Variants in LRRC1 observed in about 807,000 individuals in gnomAD.
LRRC1 encodes the protein leucine-rich repeat-containing protein 1.
A neutral mutation model predicts 69.9 loss-of-function variants in LRRC1; 28 were observed. The observed-to-expected ratio is 0.40, with a 90% CI of 0.30 to 0.55. The LOEUF is 0.55. Among genes scored for constraint, LRRC1 ranks in the 20% least tolerant of loss-of-function variants. LRRC1 has a pLI of 0.47. For missense variants in LRRC1, 498 were observed against 609.0 expected (o/e 0.82, Z 1.92); for synonymous variants, 236 against 240.2 (o/e 0.98, Z 0.16).
chr6:53,861,834 G>A (rs928243343), intron 2 of LRRC1, among the ~76,000 whole-genome samples: 1 of 151,952 alleles, frequency 6.6e-6, no homozygotes, highest in Non-Finnish European at 1.5e-5. Flanking sequence ...TAGTTCGGGC[G>A]TGTGAGAGGA....
chr6:53,848,549 A>G (rs945135757), intron 2 of LRRC1, among the ~76,000 whole-genome samples: 2 of 152,152 alleles, frequency 1.3e-5, no homozygotes, highest in Admixed American at 6.5e-5. Context: ...TCTTCTTGCC[A>G]TTCCATAGTC....
intron 2 of LRRC1, among the ~76,000 whole-genome samples, chr6:53,868,324 C>T (rs545658526): frequency 2.0e-4 from 31 of 151,518 alleles, no homozygotes; most frequent in East Asian, 5.8e-4. Flanking sequence ...CGCGTTTAAG[C>T]GATTCTCCTG....
intron 1 of LRRC1, among the ~76,000 whole-genome samples, chr6:53,809,088 T>C (rs1205531441): frequency 1.2e-4 from 19 of 152,196 alleles, no homozygotes; most frequent in Admixed American, 1.2e-3. Context: ...TGAACAGCAA[T>C]GAGCATTTGT....
At chr6:53,804,480 A>G (rs1764583356) in intron 1 of LRRC1, among the ~76,000 whole-genome samples, 1 of 152,220 alleles carries the variant, frequency 6.6e-6, no homozygotes, top group East Asian at 1.9e-4. Context: ...TAAAACAAAA[A>G]TAGAACTCCC....
At chr6:53,901,681 A>G (rs922150549) in intron 8 of LRRC1, among the ~76,000 whole-genome samples, 5 of 152,208 alleles carry the variant, frequency 3.3e-5, no homozygotes, top group African/African-American at 1.2e-4. Context: ...TTGGGGTGAG[A>G]TGTTTCGGTG....
At chr6:53,882,582 CAGT>C (rs1554184883) in intron 3 of LRRC1, among the ~76,000 whole-genome samples, 2 of 151,892 alleles carry the variant, frequency 1.3e-5, no homozygotes, top group Non-Finnish European at 2.9e-5. Context: ...ATAGAGTATT[CAGT>C]AGTCTCAACA....
At chr6:53,886,293 C>A (rs1767476862) in intron 4 of LRRC1, among the ~76,000 whole-genome samples, 1 of 152,246 alleles carries the variant, frequency 6.6e-6, no homozygotes, top group East Asian at 1.9e-4. Context: ...AGAAAAACAT[C>A]AAACTTCCAA....
At chr6:53,896,425 G>A (rs1482943851) in intron 4 of LRRC1, 73 bp from the exon 5 acceptor site, 3 of 1,256,708 alleles carry the variant, frequency 2.4e-6, no homozygotes, top group East Asian at 4.6e-5. Flanking sequence ...TCCAGTGTGT[G>A]TATGGGGGAA....
intron 1 of LRRC1, among the ~76,000 whole-genome samples, chr6:53,831,979 G>A (rs1460305812): frequency 6.6e-6 from 1 of 152,052 alleles, no homozygotes; most frequent in African/African-American, 2.4e-5. Context: ...TCTTTGCTCG[G>A]CCTGTCACTT....
At chr6:53,870,429 T>C (rs1397688870) in intron 2 of LRRC1, among the ~76,000 whole-genome samples, 1 of 152,230 alleles carries the variant, frequency 6.6e-6, no homozygotes, top group Non-Finnish European at 1.5e-5. Flanking sequence ...ATCCTCTTCC[T>C]CAGTACTTGT....
intron 13 of LRRC1, among the ~76,000 whole-genome samples, chr6:53,921,488 T>C (rs896241718): frequency 1.3e-5 from 2 of 152,198 alleles, no homozygotes; most frequent in African/African-American, 4.8e-5. Context: ...CTTAGCCTTC[T>C]TGTAGAGGGC....
rs544722170 is a variant in LRRC1, at chr6:53,920,712, G to A, written c.1367G>A (p.Ser456Asn). Residue 456 changes from serine (S) to asparagine (N), a missense_variant, in exon 13 of 14, where the codon AGT becomes AAT. Physicochemically the swap from Ser to Asn is conservative, Grantham distance 46. Transcript: ENST00000370888. ...AACGAGCGTGCTGTCAACAGAGTCA[G>A]TGCGATCCGATTTGTGGAGGATGAG... The part of the protein sequence containing the change: ...AWNERAVNRV[S>N]AIRFVEDEKD... 1 of 1,614,178 alleles carries A rather than the reference G, an allele frequency of 6.2e-7. No homozygotes were observed. The highest frequency in any genetic ancestry group is 1.3e-5 in the African/African-American group (1 of 75,046).
intron 1 of LRRC1, among the ~76,000 whole-genome samples, chr6:53,839,423 A>C (rs140537881): frequency 2.0e-3 from 311 of 152,310 alleles, no homozygotes; most frequent in Non-Finnish European, 3.2e-3. Context: ...TCATTTGTAA[A>C]TTCAATTTCT....
At chr6:53,800,698 G>T (rs753654985) in intron 1 of LRRC1, among the ~76,000 whole-genome samples, 1 of 151,274 alleles carries the variant, frequency 6.6e-6, no homozygotes, top group Non-Finnish European at 1.5e-5. Context: ...GGAGTGTGGT[G>T]ATGCAGTCTT....
chr6:53,844,787 C>T (rs1765888094), intron 2 of LRRC1, among the ~76,000 whole-genome samples: 1 of 152,210 alleles, frequency 6.6e-6, no homozygotes, highest in South Asian at 2.1e-4. Context: ...GGGAGTTAAC[C>T]ATTCCCTTCC....
intron 1 of LRRC1, among the ~76,000 whole-genome samples, chr6:53,832,207 A>G (rs760297519): frequency 6.6e-6 from 1 of 152,184 alleles, no homozygotes; most frequent in Non-Finnish European, 1.5e-5. Flanking sequence ...TATGATGACA[A>G]GAGCCATTTG....
intron 11 of LRRC1, among the ~76,000 whole-genome samples, chr6:53,914,665 AC>A (rs1768511374): frequency 6.6e-6 from 1 of 152,232 alleles, no homozygotes; most frequent in African/African-American, 2.4e-5. Context: ...TAATTTCAGC[AC>A]CCTAAATGTC....
chr6:53,854,004 C>G (rs1300359351), intron 2 of LRRC1, among the ~76,000 whole-genome samples: 1 of 152,174 alleles, frequency 6.6e-6, no homozygotes, highest in African/African-American at 2.4e-5. Flanking sequence ...GTACCTAGTT[C>G]CATTAGCATT....
chr6:53,860,198 G>A (rs1766449698), intron 2 of LRRC1, among the ~76,000 whole-genome samples: 1 of 152,170 alleles, frequency 6.6e-6, no homozygotes, highest in East Asian at 1.9e-4. Context: ...TACTGGTTCT[G>A]CAAAATTTTC....
Sources: allele counts gnomAD v4.1 joint callset (sites outside exome capture counted in the v4.1 genomes callset), GRCh38; gene constraint gnomAD v4.1.1; transcripts MANE v1.5; gene names NCBI Gene and HGNC (gene_info 2026-07-23, HGNC 2026-07-21).